Variants in GRM7 observed in about 807,000 individuals in gnomAD.
The protein encoded by GRM7 is metabotropic glutamate receptor 7.
Under a neutral mutation model 84.5 loss-of-function variants are expected in GRM7, and 35 were observed. That is an observed-to-expected ratio of 0.41 (90% CI 0.32 to 0.55). GRM7 has a LOEUF of 0.55. Among genes scored for constraint, GRM7 ranks in the 20% least tolerant of loss-of-function variants. The pLI is 0.19. For synonymous variants in GRM7, 487 were observed against 455.1 expected (o/e 1.07, Z -0.89); for missense variants, 1,003 against 1,194.6 (o/e 0.84, Z 2.36).
chr3:7,494,699 A>T (rs529740501), intron 7 of GRM7, among the ~76,000 whole-genome samples: 6 of 152,216 alleles, frequency 3.9e-5, no homozygotes, highest in Admixed American at 1.3e-4. Context: ...TACTTTACAG[A>T]TTCTAATCTC....
At position 7,552,310 on chromosome 3, in the gene GRM7, C is replaced by T. The variant is rs183536889; in HGVS notation, c.1516-26112C>T. 3.4e-3 allele frequency among the ~76,000 whole-genome samples: 524 copies of T among 152,324 alleles called. 1 individual carries two copies. Among genetic ancestry groups the T allele is most frequent in the African/African-American group, 0.012 (494 of 41,570 alleles). ...GTACAGCCCCACTCCTGGTTGCTTTCATCGGCTGGTGTTGAGTGTCTGTGG... is the reference window on the plus strand; with the variant it reads ...GTACAGCCCCACTCCTGGTTGCTTTTATCGGCTGGTGTTGAGTGTCTGTGG... On this transcript the variant is annotated intron_variant, in intron 7 of 9. Coordinates refer to ENST00000357716, the MANE Select transcript of GRM7 (RefSeq NM_000844.4).
chr3:7,525,109 C>G (rs1278452033), intron 7 of GRM7, among the ~76,000 whole-genome samples: 1 of 143,634 alleles, frequency 7.0e-6, no homozygotes, highest in African/African-American at 2.6e-5. Flanking sequence ...ACTCTGGGGA[C>G]TGTTGAGGGG....
intron 2 of GRM7, among the ~76,000 whole-genome samples, chr3:7,176,327 A>G (rs1695149744): frequency 6.9e-6 from 1 of 145,894 alleles, no homozygotes; most frequent in Admixed American, 7.0e-5. Context: ...GGGAGGATTG[A>G]TTGAGCCTGC....
intron 2 of GRM7, among the ~76,000 whole-genome samples, chr3:7,238,734 C>CT (rs913116782): frequency 4.0e-5 from 6 of 148,552 alleles, no homozygotes; most frequent in South Asian, 2.1e-4. Flanking sequence ...CTATTCTTTT[C>CT]TTTTTTTTCT....
intron 4 of GRM7, among the ~76,000 whole-genome samples, chr3:7,320,976 C>T (rs1223186648): frequency 6.6e-6 from 1 of 151,754 alleles, no homozygotes; most frequent in Non-Finnish European, 1.5e-5. Flanking sequence ...TGGGTAAATT[C>T]ACATTTTTGC....
chr3:7,148,161 A>G (rs1694168017), intron 2 of GRM7, among the ~76,000 whole-genome samples: 2 of 152,178 alleles, frequency 1.3e-5, no homozygotes, highest in African/African-American at 4.8e-5. Flanking sequence ...TATTGACTTC[A>G]TAAATCCCCA....
chr3:7,301,535 T>C (rs1178577201), intron 3 of GRM7, among the ~76,000 whole-genome samples: 2 of 152,154 alleles, frequency 1.3e-5, no homozygotes, highest in Non-Finnish European at 2.9e-5. Context: ...ATAAAAGATG[T>C]ATGGCAATTA....
At chr3:7,522,062 C>A (rs1205386746) in intron 7 of GRM7, among the ~76,000 whole-genome samples, 1 of 152,126 alleles carries the variant, frequency 6.6e-6, no homozygotes, top group Admixed American at 6.6e-5. Flanking sequence ...CCCTTTCTCC[C>A]AGCTCATTTT....
At chr3:7,711,786 A>G (rs332936) in intron 9 of GRM7, among the ~76,000 whole-genome samples, 65,177 of 152,010 alleles carry the variant, frequency 0.43, 16,626 homozygotes, top group Non-Finnish European at 0.59. Context: ...CCAAAGGGGA[A>G]ATGTCTGTGA....
chr3:7,387,038 A>G (rs940941502), intron 4 of GRM7, among the ~76,000 whole-genome samples: 3 of 152,084 alleles, frequency 2.0e-5, no homozygotes, highest in Admixed American at 6.6e-5. Flanking sequence ...AGCATTTTTT[A>G]TAAGTTTATT....
chr3:7,404,316 C>G (rs996707044), intron 4 of GRM7, among the ~76,000 whole-genome samples: 1 of 152,112 alleles, frequency 6.6e-6, no homozygotes, highest in African/African-American at 2.4e-5. Flanking sequence ...AGGCTGTCTT[C>G]TAAGAAAGGC....
chr3:7,207,965 G>T lies in GRM7; in HGVS notation c.736+61297G>T, dbSNP rs185073640. Among the ~76,000 whole-genome samples, 171 of 152,274 alleles carry T rather than the reference G, an allele frequency of 1.1e-3. 1 individual carries two copies. The highest frequency in any genetic ancestry group is 4.0e-3 in the African/African-American group (166 of 41,560). On this transcript the variant is annotated intron_variant, in intron 2 of 9. Coordinates refer to ENST00000357716, the MANE Select transcript of GRM7 (RefSeq NM_000844.4). Reference sequence around the variant, plus strand: ...AATGAAATGTCGGAGGCACAAAGGAGAAATACTATTAAATAGATCATTTAG... The same window carrying T: ...AATGAAATGTCGGAGGCACAAAGGATAAATACTATTAAATAGATCATTTAG...
intron 5 of GRM7, among the ~76,000 whole-genome samples, chr3:7,426,085 C>G (rs1306422331): frequency 7.0e-6 from 1 of 142,590 alleles, no homozygotes; most frequent in Non-Finnish European, 1.5e-5. Flanking sequence ...TTTCAGTGGC[C>G]ATATCATACG....
intron 5 of GRM7, chr3:7,451,666 A>G (rs966567652): frequency 3.3e-5 from 5 of 152,132 alleles, no homozygotes; most frequent in South Asian, 2.1e-4. Context: ...TAACCTCTAT[A>G]AGGCTCAGCT....
Position 6,862,026 on chromosome 3 carries a change from G to T in GRM7, c.519+119G>T. 1 of 803,168 alleles carries T rather than the reference G, an allele frequency of 1.2e-6. No individual in the cohort carries two copies. The allele number at this position is 803,168 out of a possible 1,614,324, so 49.8% of individuals were successfully genotyped here. A position where few individuals can be genotyped will look rare whatever the true frequency, so the allele number is the denominator to read the frequency against. ...TCAGCCTTCGCTCATTTCCTCCCTGGAGATCCTGCCGAATCCCTCCCACCC... is the reference window on the plus strand; with the variant it reads ...TCAGCCTTCGCTCATTTCCTCCCTGTAGATCCTGCCGAATCCCTCCCACCC... On this transcript the variant is annotated intron_variant, in intron 1 of 9. Coordinates refer to ENST00000357716, the MANE Select transcript of GRM7 (RefSeq NM_000844.4). This position sits in a 1 kb window ranked among gnomAD's most constrained non-coding sequence, Gnocchi z 5.2.
chr3:7,153,669 A>C (rs1369099454), intron 2 of GRM7, among the ~76,000 whole-genome samples: 3 of 152,114 alleles, frequency 2.0e-5, no homozygotes, highest in Non-Finnish European at 4.4e-5. Context: ...TATAGGAGGG[A>C]AAAAAGGGAC....
chr3:7,121,447 T>A (rs1039556828), intron 1 of GRM7, among the ~76,000 whole-genome samples: 7 of 152,222 alleles, frequency 4.6e-5, no homozygotes, highest in Non-Finnish European at 1.5e-5. Flanking sequence ...TGTTAATGAA[T>A]GTATAAATAC....
At chr3:6,901,604 TAAAAA>T (rs33945077) in intron 1 of GRM7, among the ~76,000 whole-genome samples, 7 of 40,494 alleles carry the variant, frequency 1.7e-4, no homozygotes, top group African/African-American at 5.7e-4. Flanking sequence ...AGACTCCGTC[TAAAAA>T]AAAAAAAAAA....
At chr3:7,190,456 C>A (rs1386624952) in intron 2 of GRM7, among the ~76,000 whole-genome samples, 1 of 152,004 alleles carries the variant, frequency 6.6e-6, no homozygotes, top group African/African-American at 2.4e-5. Flanking sequence ...GCTTCCTGGG[C>A]CTATTTTTAA....
Sources: gnomAD v4.1 joint callset for allele counts (sites outside exome capture counted in the v4.1 genomes callset) on GRCh38, gnomAD v4.1.1 for gene constraint, Gnocchi (gnomAD v3.1) non-coding constraint, MANE v1.5 for transcripts, NCBI Gene and HGNC (gene_info 2026-07-23, HGNC 2026-07-21) for gene names.